PRIM2: variants seen among roughly 807,000 people sequenced by gnomAD.
PRIM2 encodes the protein DNA primase large subunit.
Under a neutral mutation model 67.3 loss-of-function variants are expected in PRIM2, and 39 were observed. The ratio of observed to expected loss-of-function variants is 0.58; its 90% confidence interval spans 0.45 to 0.76. The LOEUF is 0.76. Ranked by LOEUF, PRIM2 falls within the 30% of genes least tolerant of loss-of-function variation. The pLI is 0.00. For missense variants in PRIM2, 398 were observed against 598.7 expected (o/e 0.66, Z 3.50); for synonymous variants, 143 against 198.7 (o/e 0.72, Z 2.36).
At chr6:57,239,645 G>A in the PRIM2 span, among the ~76,000 whole-genome samples, 4 of 152,160 alleles carry the variant, frequency 2.6e-5, no homozygotes, top group African/African-American at 9.7e-5. Flanking sequence ...GGGAGGCTCA[G>A]GTTGGGGGAG....
At chr6:57,303,459 T>C in the PRIM2 span, among the ~76,000 whole-genome samples, 1 of 152,222 alleles carries the variant, frequency 6.6e-6, no homozygotes, top group Admixed American at 6.5e-5. Flanking sequence ...TGGAAAATCC[T>C]TCATTGTATA....
chr6:57,449,130 C>T (rs1242035017), intron 7 of PRIM2, among the ~76,000 whole-genome samples: 2 of 152,030 alleles, frequency 1.3e-5, no homozygotes, highest in African/African-American at 4.8e-5. Context: ...TTAAAACAAT[C>T]TTTAAATCAA....
rs1266895837 is a variant in PRIM2, at chr6:57,579,287, G to C, written c.1021-21806G>C. 1.4e-3 allele frequency among the ~76,000 whole-genome samples: 210 copies of C among 152,130 alleles called. 5 individuals are homozygous for C. The East Asian group carries it at 0.019, about 13-fold the overall frequency. ...AGAAACAAACCCTCGCCTACAACAG[G>C]AGGCTTATAGATCCATGTTTTTTTT... On this transcript the variant is annotated intron_variant, in intron 10 of 13. Coordinates refer to ENST00000615550, the MANE Select transcript of PRIM2 (RefSeq NM_000947.5).
At chr6:57,595,728 T>C (rs1776354294) in intron 10 of PRIM2, among the ~76,000 whole-genome samples, 1 of 152,164 alleles carries the variant, frequency 6.6e-6, no homozygotes, top group Admixed American at 6.5e-5. Flanking sequence ...CTGGGTAAGA[T>C]ATGTAGGAAG....
chr6:57,347,429 C>T (rs1768713433), intron 5 of PRIM2, among the ~76,000 whole-genome samples: 1 of 151,402 alleles, frequency 6.6e-6, no homozygotes, highest in South Asian at 2.1e-4. Context: ...GTAAATACTT[C>T]ACATGGGTAA....
At chr6:57,268,583 T>A in the PRIM2 span, among the ~76,000 whole-genome samples, 1 of 152,110 alleles carries the variant, frequency 6.6e-6, no homozygotes, top group African/African-American at 2.4e-5. Context: ...TACAAGGATA[T>A]ATATGTATAT....
chr6:57,276,905 A>G, the PRIM2 span, among the ~76,000 whole-genome samples: 1 of 152,020 alleles, frequency 6.6e-6, no homozygotes, highest in Non-Finnish European at 1.5e-5. Context: ...AAAAAGATAT[A>G]ATGATATATG....
At chr6:57,265,454 A>G in the PRIM2 span, among the ~76,000 whole-genome samples, 1 of 152,188 alleles carries the variant, frequency 6.6e-6, no homozygotes, top group Non-Finnish European at 1.5e-5. Context: ...CCACGTTGGT[A>G]TGTGCCATTT....
At chr6:57,577,812 GCTT>G (rs1775991193) in intron 10 of PRIM2, among the ~76,000 whole-genome samples, 1 of 152,156 alleles carries the variant, frequency 6.6e-6, no homozygotes, top group South Asian at 2.1e-4. Flanking sequence ...TCTTCACCAA[GCTT>G]CTCCTAATAT....
intron 12 of PRIM2, among the ~76,000 whole-genome samples, chr6:57,623,469 A>G (rs1394810235): frequency 1.3e-5 from 2 of 152,172 alleles, no homozygotes; most frequent in Non-Finnish European, 2.9e-5. Flanking sequence ...CTTAAAATTT[A>G]ATACTCTGTT....
chr6:57,341,785 T>C (rs112001978), intron 5 of PRIM2, among the ~76,000 whole-genome samples: 2 of 152,206 alleles, frequency 1.3e-5, no homozygotes, highest in African/African-American at 4.8e-5. Context: ...TGTGACCTGC[T>C]GCCTAAGTCA....
the PRIM2 span, among the ~76,000 whole-genome samples, chr6:57,244,139 C>T: frequency 3.3e-4 from 51 of 152,262 alleles, no homozygotes; most frequent in East Asian, 2.3e-3. Flanking sequence ...GCTCACCTAC[C>T]GCAGCCAATC....
the PRIM2 span, among the ~76,000 whole-genome samples, chr6:57,233,253 GCTT>G: frequency 6.6e-6 from 1 of 152,068 alleles, no homozygotes; most frequent in Non-Finnish European, 1.5e-5. Context: ...ATTTTATGTT[GCTT>G]CTTTCCCATT....
chr6:57,416,226 C>T (rs1291269284), intron 7 of PRIM2, among the ~76,000 whole-genome samples: 2 of 152,324 alleles, frequency 1.3e-5, no homozygotes, highest in East Asian at 3.9e-4. Flanking sequence ...GATATGAAGA[C>T]ACTAATCTCC....
intron 13 of PRIM2, among the ~76,000 whole-genome samples, chr6:57,638,575 G>GAA (rs1777164425): frequency 3.1e-3 from 38 of 12,118 alleles, no homozygotes; most frequent in African/African-American, 0.014. Flanking sequence ...CAAACAGAAA[G>GAA]CAAAAAAAAA....
chr6:57,636,453 CA>C (rs1777123890), intron 13 of PRIM2, among the ~76,000 whole-genome samples: 10 of 151,958 alleles, frequency 6.6e-5, no homozygotes, highest in Admixed American at 6.6e-4. Context: ...CTAAACAAGA[CA>C]AAAGGAAACA....
chr6:57,487,089 T>C (rs1379539037), intron 7 of PRIM2, among the ~76,000 whole-genome samples: 3 of 152,352 alleles, frequency 2.0e-5, no homozygotes, highest in East Asian at 3.9e-4. Flanking sequence ...AAAAGATCAC[T>C]AGTCAAGTTC....
At chr6:57,564,387 C>T in intron 10 of PRIM2, among the ~76,000 whole-genome samples, 1 of 152,266 alleles carries the variant, frequency 6.6e-6, no homozygotes, top group Non-Finnish European at 1.5e-5. Context: ...CTCTTTCCCT[C>T]CCCAAATAAA....
At chr6:57,290,131 A>G in the PRIM2 span, among the ~76,000 whole-genome samples, 12,863 of 151,630 alleles carry the variant, frequency 0.085, 585 homozygotes, top group Non-Finnish European at 0.099. Context: ...TAGAAAGAAA[A>G]AAAAAAAAAA....
Sources: allele counts gnomAD v4.1 joint callset (sites outside exome capture counted in the v4.1 genomes callset), GRCh38; gene constraint gnomAD v4.1.1; transcripts MANE v1.5; gene names NCBI Gene and HGNC (gene_info 2026-07-23, HGNC 2026-07-21).